GALNT13: variants seen among roughly 807,000 people sequenced by gnomAD.
The protein encoded by GALNT13 is UDP-GalNAc:polypeptide N-acetylgalactosaminyltransferase 13.
In GALNT13, 28 loss-of-function variants were observed where a neutral mutation model predicts 64.2. The observed-to-expected ratio is 0.44, with a 90% CI of 0.32 to 0.60. The LOEUF (loss-of-function observed/expected upper bound fraction) is 0.60. Among genes scored for constraint, GALNT13 ranks in the 20% least tolerant of loss-of-function variants. GALNT13 has a pLI of 0.05. For missense variants in GALNT13, 577 were observed against 669.8 expected, an observed-to-expected ratio of 0.86 and a Z score of 1.53; for synonymous variants, 214 against 224.6, an observed-to-expected ratio of 0.95 and a Z score of 0.42.
At chr2:154,339,411 G>A (rs907782877) in intron 9 of GALNT13, among the ~76,000 whole-genome samples, 1 of 152,036 alleles carries the variant, frequency 6.6e-6, no homozygotes, top group Non-Finnish European at 1.5e-5. Context: ...AATAGTGGGT[G>A]TACTTTAGGT....
intron 10 of GALNT13, among the ~76,000 whole-genome samples, chr2:154,404,421 G>A (rs1699434970): frequency 6.6e-6 from 1 of 152,156 alleles, no homozygotes; most frequent in South Asian, 2.1e-4. Context: ...AGGTGGCAAA[G>A]TGTTCTCACA....
chr2:154,381,198 C>T (rs1698253611), intron 9 of GALNT13, among the ~76,000 whole-genome samples: 1 of 151,842 alleles, frequency 6.6e-6, no homozygotes, highest in East Asian at 1.9e-4. Flanking sequence ...TAATGTGGAA[C>T]CAAACAAGTA....
chr2:154,059,153 G>A (rs62173318), intron 3 of GALNT13, among the ~76,000 whole-genome samples: 3,417 of 152,294 alleles, frequency 0.022, 59 homozygotes, highest in Non-Finnish European at 0.028. Context: ...TGCGGTTACC[G>A]CAAACTGAAT....
At chr2:153,667,979 C>A in the GALNT13 span, among the ~76,000 whole-genome samples, 1 of 151,996 alleles carries the variant, frequency 6.6e-6, no homozygotes, top group African/African-American at 2.4e-5. Context: ...ATTCTTCAGA[C>A]AAAACAGACT....
chr2:153,177,654 T>C, the GALNT13 span, among the ~76,000 whole-genome samples: 1 of 152,140 alleles, frequency 6.6e-6, no homozygotes, highest in Non-Finnish European at 1.5e-5. Context: ...TTTATGCATA[T>C]AATGTGGAAT....
chr2:153,161,293 A>C, the GALNT13 span, among the ~76,000 whole-genome samples: 1 of 152,166 alleles, frequency 6.6e-6, no homozygotes, highest in Non-Finnish European at 1.5e-5. Context: ...TTCACTTAAC[A>C]ACATTGGCTT....
chr2:154,100,182 G>A (rs1702275572), intron 3 of GALNT13, among the ~76,000 whole-genome samples: 1 of 151,742 alleles, frequency 6.6e-6, no homozygotes, highest in South Asian at 2.1e-4. Context: ...AATTTCTTTG[G>A]CCATTTGGGC....
chr2:153,597,509 A>C, the GALNT13 span, among the ~76,000 whole-genome samples: 36 of 152,226 alleles, frequency 2.4e-4, no homozygotes, highest in Non-Finnish European at 1.8e-4. Context: ...AACTAAATGA[A>C]GGGCTAAAGC....
At chr2:153,592,513 C>T in the GALNT13 span, among the ~76,000 whole-genome samples, 1 of 152,098 alleles carries the variant, frequency 6.6e-6, no homozygotes, top group Non-Finnish European at 1.5e-5. Flanking sequence ...ACTATTCAGC[C>T]ATAAAAGAAT....
intron 1 of GALNT13, among the ~76,000 whole-genome samples, chr2:153,885,635 A>G (rs1687121390): frequency 6.6e-6 from 1 of 152,090 alleles, no homozygotes; most frequent in Non-Finnish European, 1.5e-5. Context: ...TCTGTTTTTA[A>G]ACGGTACCAG....
chr2:153,687,221 C>T, the GALNT13 span, among the ~76,000 whole-genome samples: 1 of 151,936 alleles, frequency 6.6e-6, no homozygotes, highest in African/African-American at 2.4e-5. Context: ...GCAATGGTAC[C>T]AGCTCTTCTT....
chr2:153,655,118 C>T, the GALNT13 span, among the ~76,000 whole-genome samples: 8 of 152,120 alleles, frequency 5.3e-5, no homozygotes, highest in Non-Finnish European at 1.0e-4. Context: ...CTCCTTTTCA[C>T]ACCAAATTCT....
intron 4 of GALNT13, among the ~76,000 whole-genome samples, chr2:154,215,946 T>A (rs899257041): frequency 1.3e-5 from 2 of 151,970 alleles, no homozygotes; most frequent in Non-Finnish European, 2.9e-5. Flanking sequence ...TCTTATACAT[T>A]TTGTAGTTAG....
the GALNT13 span, among the ~76,000 whole-genome samples, chr2:153,756,360 T>G: frequency 1.3e-5 from 2 of 152,116 alleles, no homozygotes; most frequent in African/African-American, 4.8e-5. Context: ...GGAATATAAG[T>G]GCTTATAAAT....
chr2:154,302,711 A>T (rs1273347668), intron 9 of GALNT13, among the ~76,000 whole-genome samples: 1 of 152,190 alleles, frequency 6.6e-6, no homozygotes, highest in East Asian at 1.9e-4. Flanking sequence ...CATATGAGGG[A>T]TATATTGGTT....
At chr2:153,588,760 C>T in the GALNT13 span, among the ~76,000 whole-genome samples, 1 of 152,222 alleles carries the variant, frequency 6.6e-6, no homozygotes, top group Non-Finnish European at 1.5e-5. Context: ...ATTTTCTTTT[C>T]TATTGCATTG....
At chr2:153,539,955 G>A in the GALNT13 span, among the ~76,000 whole-genome samples, 1 of 152,188 alleles carries the variant, frequency 6.6e-6, no homozygotes, top group Non-Finnish European at 1.5e-5. Context: ...TGGTAGAAAA[G>A]AAAAACCCAT....
At chr2:153,597,161 A>G in the GALNT13 span, among the ~76,000 whole-genome samples, 5 of 152,210 alleles carry the variant, frequency 3.3e-5, no homozygotes, top group South Asian at 4.1e-4. Flanking sequence ...CTGCCTACAT[A>G]ATTTTCAGGC....
chr2:153,664,558 G>A, the GALNT13 span, among the ~76,000 whole-genome samples: 7 of 152,164 alleles, frequency 4.6e-5, no homozygotes, highest in Non-Finnish European at 5.9e-5. Flanking sequence ...AAGATGATGG[G>A]ATTAAGAGAT....
Sources: gnomAD v4.1 joint callset for allele counts (sites outside exome capture counted in the v4.1 genomes callset) on GRCh38, gnomAD v4.1.1 for gene constraint, MANE v1.5 for transcripts, NCBI Gene and HGNC (gene_info 2026-07-23, HGNC 2026-07-21) for gene names.